The following AGMO variants were observed in gnomAD, a reference collection of about 807,000 sequenced individuals.
AGMO encodes alkylglycerol monooxygenase, also known as glyceryl-ether monooxygenase.
AGMO carries 75 observed loss-of-function variants against 60.2 expected under a neutral mutation model. That is an observed-to-expected ratio of 1.25 (90% confidence interval 1.03 to 1.51). The LOEUF (loss-of-function observed/expected upper bound fraction) is 1.51. Ranked by LOEUF, AGMO falls within the 40% of genes most tolerant of loss-of-function variation. AGMO has a pLI of 0.00. For missense variants in AGMO, 763 were observed against 525.5 expected, an observed-to-expected ratio of 1.45 and a Z score of -4.42; for synonymous variants, 261 against 177.1, an observed-to-expected ratio of 1.47 and a Z score of -3.76.
At chr7:15,161,699 G>A in the AGMO span, among the ~76,000 whole-genome samples, 1 of 150,890 alleles carries the variant, frequency 6.6e-6, no homozygotes, top group South Asian at 2.1e-4. Context: ...ATATATGTGT[G>A]TGTGTATACA....
chr7:15,344,316 G>A (rs1781958950), intron 12 of AGMO, among the ~76,000 whole-genome samples: 1 of 152,160 alleles, frequency 6.6e-6, no homozygotes, highest in Non-Finnish European at 1.5e-5. Flanking sequence ...TTACTGAGGT[G>A]CCAACGCAGC....
chr7:15,259,816 T>C (rs1457913020), intron 12 of AGMO, among the ~76,000 whole-genome samples: 1 of 126,266 alleles, frequency 7.9e-6, no homozygotes, highest in Non-Finnish European at 1.6e-5. Flanking sequence ...CTAAGCTCCA[T>C]AAATGAAGCA....
chr7:15,202,203 T>A (rs1227684703), intron 12 of AGMO, among the ~76,000 whole-genome samples: 3 of 151,868 alleles, frequency 2.0e-5, no homozygotes, highest in African/African-American at 7.3e-5. Flanking sequence ...CTCCATACTA[T>A]TAAAATAGGA....
chr7:15,363,340 A>G (rs1252998488), intron 12 of AGMO, among the ~76,000 whole-genome samples: 1 of 152,204 alleles, frequency 6.6e-6, no homozygotes, highest in Non-Finnish European at 1.5e-5. Flanking sequence ...ATAAAATAAC[A>G]GTAACAACAG....
intron 6 of AGMO, among the ~76,000 whole-genome samples, chr7:15,392,682 C>G (rs1034291898): frequency 6.6e-6 from 1 of 151,932 alleles, no homozygotes; most frequent in Admixed American, 6.6e-5. Flanking sequence ...ACCTGTAATC[C>G]AAGTTACTTG....
chr7:15,361,001 C>A (rs545443600), intron 12 of AGMO, among the ~76,000 whole-genome samples: 2 of 152,130 alleles, frequency 1.3e-5, no homozygotes, highest in African/African-American at 4.8e-5. Flanking sequence ...CTTAGTGATG[C>A]CAGCCAGCTA....
At chr7:15,471,418 T>C (rs1782447366) in intron 3 of AGMO, among the ~76,000 whole-genome samples, 1 of 152,076 alleles carries the variant, frequency 6.6e-6, no homozygotes, top group East Asian at 1.9e-4. Context: ...TTCCATTCTC[T>C]ATAACTATAA....
At chr7:15,536,231 T>C (rs1268759855) in intron 3 of AGMO, among the ~76,000 whole-genome samples, 1 of 151,848 alleles carries the variant, frequency 6.6e-6, no homozygotes, top group Non-Finnish European at 1.5e-5. Context: ...AGACATAGAT[T>C]AAACGGCTCA....
chr7:15,346,554 C>T lies in AGMO; in HGVS notation c.1263+18960G>A, dbSNP rs937680682. 6.6e-5 allele frequency among the ~76,000 whole-genome samples: 10 copies of T among 151,172 alleles called. No individual in the cohort carries two copies. In the East Asian group the frequency reaches 7.8e-4, roughly 12 times the overall value. On this transcript the variant is annotated intron_variant, in intron 12 of 12. Transcript: ENST00000342526. ...TAAATAATACGATATAAAAGCAACA[C>T]TGTATTGTCACTCTTCTTTATATTT...
At chr7:15,291,476 T>C (rs1784261682) in intron 12 of AGMO, among the ~76,000 whole-genome samples, 1 of 152,216 alleles carries the variant, frequency 6.6e-6, no homozygotes, top group Non-Finnish European at 1.5e-5. Context: ...ATGAAATTTT[T>C]TAAATTTGGA....
the AGMO span, among the ~76,000 whole-genome samples, chr7:15,153,762 G>A: frequency 3.3e-5 from 5 of 151,954 alleles, no homozygotes; most frequent in Admixed American, 6.6e-5. Context: ...GTTTGAAATC[G>A]GGTAATGTAA....
intron 12 of AGMO, among the ~76,000 whole-genome samples, chr7:15,317,492 C>T (rs1780960555): frequency 6.6e-6 from 1 of 152,120 alleles, no homozygotes; most frequent in Non-Finnish European, 1.5e-5. Context: ...TCAAATTACA[C>T]TCACGTTGTT....
chr7:15,275,689 T>C (rs1453000505), intron 12 of AGMO, among the ~76,000 whole-genome samples: 2 of 152,156 alleles, frequency 1.3e-5, no homozygotes, highest in African/African-American at 4.8e-5. Context: ...TTAGGTTAAG[T>C]AGTATTTATT....
At chr7:15,500,278 T>C (rs906360171) in intron 3 of AGMO, among the ~76,000 whole-genome samples, 1 of 151,918 alleles carries the variant, frequency 6.6e-6, no homozygotes, top group Admixed American at 6.6e-5. Context: ...AGTCAGGGAA[T>C]ATTCAATGGA....
the AGMO span, among the ~76,000 whole-genome samples, chr7:15,150,730 C>T: frequency 6.6e-6 from 1 of 152,004 alleles, no homozygotes; most frequent in South Asian, 2.1e-4. Context: ...ATTTTTGTGC[C>T]TATGTTCATC....
At chr7:15,369,410 T>C (rs1263866403) in intron 10 of AGMO, among the ~76,000 whole-genome samples, 2 of 152,076 alleles carry the variant, frequency 1.3e-5, no homozygotes, top group Non-Finnish European at 2.9e-5. Context: ...TAATCCCTAG[T>C]GTTCTCTCTT....
At chr7:15,220,368 C>T (rs528995860) in intron 12 of AGMO, among the ~76,000 whole-genome samples, 123 of 151,204 alleles carry the variant, frequency 8.1e-4, no homozygotes, top group African/African-American at 2.4e-3. Context: ...TACAGGGGCC[C>T]GCCTATCATT....
the AGMO span, among the ~76,000 whole-genome samples, chr7:15,130,477 A>C: frequency 6.6e-6 from 1 of 152,070 alleles, no homozygotes; most frequent in East Asian, 1.9e-4. Flanking sequence ...CCCCCTAAAA[A>C]TGATAAGCCC....
chr7:15,146,633 A>T, the AGMO span, among the ~76,000 whole-genome samples: 1 of 152,254 alleles, frequency 6.6e-6, no homozygotes, highest in African/African-American at 2.4e-5. Context: ...ACCAACAAGC[A>T]TTCTCTATTT....
Sources: gnomAD v4.1 joint callset for allele counts (sites outside exome capture counted in the v4.1 genomes callset) on GRCh38, gnomAD v4.1.1 for gene constraint, MANE v1.5 for transcripts, NCBI Gene and HGNC (gene_info 2026-07-23, HGNC 2026-07-21) for gene names.